The following CSMD1 variants were observed in gnomAD, a reference collection of about 807,000 sequenced individuals.
CSMD1 encodes CUB and Sushi multiple domains 1.
CSMD1 carries 213 observed loss-of-function variants against 417.5 expected under a neutral mutation model. That is an observed-to-expected ratio of 0.51 (90% confidence interval 0.46 to 0.57). The LOEUF is 0.57. Among genes scored for constraint, CSMD1 ranks in the 20% least tolerant of loss-of-function variants. The pLI is 0.00. For synonymous variants in CSMD1, 2,862 were observed against 1,736.8 expected (o/e 1.65, Z -16.11); for missense variants, 6,923 against 4,529.7 (o/e 1.53, Z -15.17).
At chr8:4,953,517 G>C (rs938096347) in intron 1 of CSMD1, among the ~76,000 whole-genome samples, 1 of 152,090 alleles carries the variant, frequency 6.6e-6, no homozygotes, top group African/African-American at 2.4e-5. Context: ...GGCAAGTTAT[G>C]TAACTTGAAC....
intron 1 of CSMD1, among the ~76,000 whole-genome samples, chr8:4,701,955 G>T (rs1418256501): frequency 6.6e-6 from 1 of 152,168 alleles, no homozygotes; most frequent in Non-Finnish European, 1.5e-5. Flanking sequence ...CATGTCCTTT[G>T]CAGGGGCATG....
intron 3 of CSMD1, among the ~76,000 whole-genome samples, chr8:4,315,158 C>A (rs1390728150): frequency 1.3e-5 from 2 of 152,170 alleles, no homozygotes; most frequent in African/African-American, 4.8e-5. Context: ...TCCACACCTA[C>A]CGGAGACAGA....
intron 3 of CSMD1, among the ~76,000 whole-genome samples, chr8:4,195,228 G>C (rs114921546): frequency 0.013 from 1,978 of 152,210 alleles, 30 homozygotes; most frequent in African/African-American, 0.044. Context: ...TTCGATTTCA[G>C]GCAGATTTTT....
At chr8:4,284,326 C>A (rs1245614431) in intron 3 of CSMD1, among the ~76,000 whole-genome samples, 1 of 152,080 alleles carries the variant, frequency 6.6e-6, no homozygotes, top group African/African-American at 2.4e-5. Flanking sequence ...CGAGATCCTG[C>A]CAATGCACTC....
rs1804248375 is a variant in CSMD1, at chr8:4,266,635, A to G, written c.415+153318T>C. Among the ~76,000 whole-genome samples, 3 of 105,254 alleles carry G rather than the reference A, an allele frequency of 2.9e-5. 1 individual carries two copies. Among genetic ancestry groups the G allele is most frequent in the Non-Finnish European group, 5.1e-5 (2 of 39,004 alleles). 69.1% of individuals were successfully genotyped at this position (105,254 alleles called of 152,430 possible). ...AAAGTGACCTGTCCTGCAGTTGAACATTTTTATTTGTCATCTATGAACATT... is the reference window on the plus strand; with the variant it reads ...AAAGTGACCTGTCCTGCAGTTGAACGTTTTTATTTGTCATCTATGAACATT... On this transcript the variant is annotated intron_variant, in intron 3 of 69. Transcript: ENST00000635120.
At chr8:3,310,484 C>T (rs1224084037) in intron 23 of CSMD1, among the ~76,000 whole-genome samples, 2 of 152,132 alleles carry the variant, frequency 1.3e-5, no homozygotes, top group Non-Finnish European at 2.9e-5. Context: ...ACTTGGAGTC[C>T]ACCTCCCTAT....
At chr8:4,571,183 A>G (rs1798877105) in intron 2 of CSMD1, among the ~76,000 whole-genome samples, 1 of 151,990 alleles carries the variant, frequency 6.6e-6, no homozygotes, top group Non-Finnish European at 1.5e-5. Context: ...GTCTTCTGCT[A>G]GGTTTGAATT....
At chr8:3,449,313 AT>A (rs559675926) in intron 12 of CSMD1, among the ~76,000 whole-genome samples, 8 of 152,290 alleles carry the variant, frequency 5.3e-5, no homozygotes, top group African/African-American at 1.9e-4. Context: ...AAAAATGTGA[AT>A]CCAAATCAGC....
At chr8:3,447,341 T>TC (rs397962226) in intron 12 of CSMD1, among the ~76,000 whole-genome samples, 1 of 76,000 alleles carries the variant, frequency 1.3e-5, no homozygotes, top group Non-Finnish European at 2.2e-5. Context: ...GATCAGTAAC[T>TC]GAGTCTCAGA....
At chr8:4,720,115 G>A (rs1199210685) in intron 1 of CSMD1, among the ~76,000 whole-genome samples, 1 of 150,284 alleles carries the variant, frequency 6.7e-6, no homozygotes, top group Non-Finnish European at 1.5e-5. Flanking sequence ...TTAATCTGTG[G>A]TTTGGAGTTT....
chr8:3,824,413 G>C (rs998045335), intron 5 of CSMD1, among the ~76,000 whole-genome samples: 1 of 152,172 alleles, frequency 6.6e-6, no homozygotes, highest in Non-Finnish European at 1.5e-5. Context: ...CAATGGGAAA[G>C]ATGAATAGAC....
chr8:3,838,002 G>A (rs1413470774), intron 5 of CSMD1, among the ~76,000 whole-genome samples: 1 of 151,900 alleles, frequency 6.6e-6, no homozygotes, highest in Non-Finnish European at 1.5e-5. Flanking sequence ...GACTTCTGAT[G>A]CCCTCCCCAA....
intron 5 of CSMD1, among the ~76,000 whole-genome samples, chr8:3,979,477 C>G (rs1261518427): frequency 6.6e-6 from 1 of 152,138 alleles, no homozygotes; most frequent in African/African-American, 2.4e-5. Flanking sequence ...GTGTCTTTGG[C>G]TTAGAATGTT....
intron 7 of CSMD1, among the ~76,000 whole-genome samples, chr8:3,701,069 G>C (rs1800837930): frequency 6.6e-6 from 1 of 151,926 alleles, no homozygotes; most frequent in Non-Finnish European, 1.5e-5. Flanking sequence ...GGAGAGAGGG[G>C]TGCTGTGAAG....
chr8:4,108,725 G>A (rs564896692), intron 3 of CSMD1, among the ~76,000 whole-genome samples: 27 of 151,628 alleles, frequency 1.8e-4, no homozygotes, highest in Admixed American at 8.5e-4. Context: ...CGAAGTGTAT[G>A]CATACCGACT....
At chr8:3,905,580 C>T (rs1475181536) in intron 5 of CSMD1, among the ~76,000 whole-genome samples, 1 of 152,208 alleles carries the variant, frequency 6.6e-6, no homozygotes, top group Non-Finnish European at 1.5e-5. Flanking sequence ...ACACAGATGG[C>T]TGGACCCCAC....
intron 1 of CSMD1, among the ~76,000 whole-genome samples, chr8:4,842,021 T>A (rs1800873543): frequency 6.6e-6 from 1 of 152,094 alleles, no homozygotes; most frequent in Non-Finnish European, 1.5e-5. Context: ...AAAAGCAATT[T>A]TTCAAGGGAG....
intron 7 of CSMD1, among the ~76,000 whole-genome samples, chr8:3,707,416 G>C (rs936151526): frequency 6.6e-6 from 1 of 152,144 alleles, no homozygotes; most frequent in African/African-American, 2.4e-5. Flanking sequence ...CGCACCCACA[G>C]AGCAAGGCTA....
chr8:3,955,989 T>A lies in CSMD1; in HGVS notation c.818+41914A>T, dbSNP rs150969796. Among the ~76,000 whole-genome samples the A allele has an allele frequency of 3.0e-3, 457 of 152,278 alleles. 5 individuals are homozygous for A. In the East Asian group the frequency reaches 0.044, roughly 15 times the overall value. On this transcript the variant is annotated intron_variant, in intron 5 of 69. Transcript: ENST00000635120. ...TTTGTATTTTTAGTAGAGTCAGGGT[T>A]TCACCATATTGGCCAGGATGGTCTC...
Sources: allele counts gnomAD v4.1 joint callset (sites outside exome capture counted in the v4.1 genomes callset), GRCh38; gene constraint gnomAD v4.1.1; transcripts MANE v1.5; gene names NCBI Gene and HGNC (gene_info 2026-07-23, HGNC 2026-07-21).